The following GPCPD1 variants were observed in gnomAD, a reference collection of about 807,000 sequenced individuals.
GPCPD1 encodes glycerophosphocholine phosphodiesterase GPCPD1.
Under a neutral mutation model 89.2 loss-of-function variants are expected in GPCPD1, and 29 were observed. That is an observed-to-expected ratio of 0.33 (90% CI 0.24 to 0.44). The LOEUF is 0.44. Ranked by LOEUF, GPCPD1 falls within the 20% of genes least tolerant of loss-of-function variation. The pLI is 1.00. For missense variants in GPCPD1, 594 were observed against 808.9 expected, an observed-to-expected ratio of 0.73 and a Z score of 3.22; for synonymous variants, 258 against 266.3, an observed-to-expected ratio of 0.97 and a Z score of 0.30.
rs549559812 is a variant in GPCPD1 at position 5,553,861 on chromosome 20, G to A, written c.1829+4084C>T. On this transcript the variant is annotated intron_variant, in intron 19 of 19. Coordinates refer to ENST00000379019, the MANE Select transcript of GPCPD1 (RefSeq NM_019593.5). Reference sequence around the variant, plus strand: ...AGGAAAAAGAAGCTGTCTCCATAACGTAAAAGTGCAAAGTTAAGTATCAAG... The same window carrying A: ...AGGAAAAAGAAGCTGTCTCCATAACATAAAAGTGCAAAGTTAAGTATCAAG... Among the ~76,000 whole-genome samples, 25 of 152,300 alleles carry A rather than the reference G, an allele frequency of 1.6e-4. 1 individual carries two copies. The highest frequency in any genetic ancestry group is 4.6e-4 in the African/African-American group (19 of 41,560).
intron 6 of GPCPD1, among the ~76,000 whole-genome samples, chr20:5,581,293 G>C (rs908060852): frequency 3.9e-5 from 6 of 152,096 alleles, no homozygotes; most frequent in Admixed American, 3.3e-4. Flanking sequence ...ATATGAAGTA[G>C]GGGGAAAAAT....
At chr20:5,566,864 TA>T in intron 13 of GPCPD1, 92 bp from the exon 14 acceptor site, 2 of 793,646 alleles carry the variant, frequency 2.5e-6, no homozygotes. Context: ...ACTAGCAAGA[TA>T]AAAAAGCCTA....
intron 4 of GPCPD1, among the ~76,000 whole-genome samples, chr20:5,588,477 C>T (rs1911224631): frequency 6.6e-6 from 1 of 152,046 alleles, no homozygotes; most frequent in Admixed American, 6.6e-5. Flanking sequence ...TGCACTTCAG[C>T]GTGGGCGACA....
At chr20:5,555,180 T>C (rs974445849) in intron 19 of GPCPD1, among the ~76,000 whole-genome samples, 1 of 152,196 alleles carries the variant, frequency 6.6e-6, no homozygotes, top group Non-Finnish European at 1.5e-5. Context: ...ATTCAGAATA[T>C]TACATAAACT....
rs1985084821 is a variant in GPCPD1 at position 5,547,403 on chromosome 20, A to G, written c.*258T>C. ...AATGAACATATGTTTAACATTATAG[A>G]TTTATATATTTAGTTTAAAATATTT... On this transcript the variant is annotated 3_prime_UTR_variant, in exon 20 of 20. Coordinates refer to ENST00000379019, the MANE Select transcript of GPCPD1 (RefSeq NM_019593.5). The G allele has an allele frequency of 4.9e-6, 1 of 205,854 alleles. No homozygotes were observed. Among genetic ancestry groups the G allele is most frequent in the African/African-American group, 2.3e-5 (1 of 43,416 alleles). 12.8% of individuals were successfully genotyped at this position (205,854 alleles called of 1,614,324 possible). A position where few individuals can be genotyped will look rare whatever the true frequency, so the allele number is the denominator to read the frequency against.
At chr20:5,578,971 T>C (rs549116568) in intron 7 of GPCPD1, among the ~76,000 whole-genome samples, 24 of 151,938 alleles carry the variant, frequency 1.6e-4, no homozygotes, top group African/African-American at 5.3e-4. Flanking sequence ...GAGGATTGCT[T>C]GAGCTCAGAA....
chr20:5,574,624 G>C (rs537684079), intron 10 of GPCPD1, among the ~76,000 whole-genome samples: 1 of 152,208 alleles, frequency 6.6e-6, no homozygotes, highest in African/African-American at 2.4e-5. Flanking sequence ...TGTGGTTCCA[G>C]ACACTGGGGA....
At chr20:5,558,282 T>C (rs1257592379) in intron 18 of GPCPD1, among the ~76,000 whole-genome samples, 177 bp from the exon 19 acceptor site, 1 of 152,146 alleles carries the variant, frequency 6.6e-6, no homozygotes, top group Non-Finnish European at 1.5e-5. Context: ...CATAAATATA[T>C]TCACAATATA....
chr20:5,594,634 T>C (rs1979582763), intron 3 of GPCPD1, among the ~76,000 whole-genome samples: 1 of 152,164 alleles, frequency 6.6e-6, no homozygotes, highest in Non-Finnish European at 1.5e-5. Context: ...ACCCCTGTCA[T>C]AGACCATTAA....
At position 5,604,368 on chromosome 20, in the gene GPCPD1, TAA is replaced by T; in HGVS notation, c.43_44del (p.Leu15ThrfsTer12). On this transcript the variant is annotated frameshift_variant, in exon 2 of 20. Coordinates refer to ENST00000379019, the MANE Select transcript of GPCPD1 (RefSeq NM_019593.5). LOFTEE classifies it high-confidence loss of function. ...AAAGTAAAACTTTTACAATACCTGG[TAA>T]AAGAGTTCCTCTTATTTCAAAGGCA... ...QVAFEIRGTL[L>X]PGEVFAICGS... 1 of 1,456,336 alleles carries T rather than the reference TAA, an allele frequency of 6.9e-7. No individual in the cohort carries two copies. The highest frequency in any genetic ancestry group is 9.6e-7 in the Non-Finnish European group (1 of 1,041,140). The allele number at this position is 1,456,336 out of a possible 1,614,324, so 90.2% of individuals were successfully genotyped here. A position where few individuals can be genotyped will look rare whatever the true frequency, so the allele number is the denominator to read the frequency against.
chr20:5,604,043 G>A (rs996853470), intron 2 of GPCPD1, among the ~76,000 whole-genome samples: 1 of 152,072 alleles, frequency 6.6e-6, no homozygotes, highest in African/African-American at 2.4e-5. Flanking sequence ...CACTGCGCCC[G>A]GCCTACCAAC....
chr20:5,589,427 C>CTCT lies in GPCPD1; in HGVS notation c.232-3159_232-3158insAGA, dbSNP rs1162923978. ...GGGAGTTAGAGAACAGCCTGACCAA[C>CTCT]ATAGAGAAACCTCATCTCTACTAAA... On this transcript the variant is annotated intron_variant, in intron 4 of 19. Coordinates refer to ENST00000379019, the MANE Select transcript of GPCPD1 (RefSeq NM_019593.5). Among the ~76,000 whole-genome samples, 8 of 152,110 alleles carry CTCT rather than the reference C, an allele frequency of 5.3e-5. No homozygotes were observed. In the East Asian group the frequency reaches 1.5e-3, roughly 29 times the overall value.
At position 5,610,943 on chromosome 20, in the gene GPCPD1, C is replaced by G. The variant is rs568474998; in HGVS notation, c.-130G>C. ...GCGCCCGCCGTCCGTGCCTCGCCAG[C>G]GCTCCCCCCAGGCGGCCTGCCGCGG... On this transcript the variant is annotated 5_prime_UTR_variant, in exon 1 of 20. Coordinates refer to ENST00000379019, the MANE Select transcript of GPCPD1 (RefSeq NM_019593.5). 6.6e-3 allele frequency: 1 copy of G among 152 alleles called. No individual in the cohort carries two copies. Among genetic ancestry groups the G allele is most frequent in the South Asian group, 0.25 (1 of 4 alleles). 0.0% of individuals were successfully genotyped at this position (152 alleles called of 1,614,324 possible). A position where few individuals can be genotyped will look rare whatever the true frequency, so the allele number is the denominator to read the frequency against.
intron 11 of GPCPD1, among the ~76,000 whole-genome samples, chr20:5,572,609 T>G (rs1217414573): frequency 6.6e-6 from 1 of 152,176 alleles, no homozygotes. Context: ...TGAGGGCATA[T>G]GGAGTACACT....
chr20:5,564,950 AAAAGT>A (rs1331378452), intron 15 of GPCPD1, 62 bp downstream of exon 15: 2 of 805,068 alleles, frequency 2.5e-6, no homozygotes, highest in Non-Finnish European at 2.2e-6. Flanking sequence ...TTTAAGAAAC[AAAAGT>A]AAATTATTCA....
At chr20:5,555,132 C>A (rs1985679917) in intron 19 of GPCPD1, among the ~76,000 whole-genome samples, 1 of 152,208 alleles carries the variant, frequency 6.6e-6, no homozygotes, top group Non-Finnish European at 1.5e-5. Context: ...ATCCACCCAA[C>A]AAAGATGCTC....
chr20:5,547,715 C>T lies in GPCPD1; in HGVS notation c.1965G>A (p.Gly655=). The T allele has an allele frequency of 6.2e-7, 1 of 1,610,862 alleles. No individual in the cohort carries two copies. Among genetic ancestry groups the T allele is most frequent in the Non-Finnish European group, 8.5e-7 (1 of 1,177,364 alleles). The part of the protein sequence containing the change: ...VSRFVPSSLC[G]ESDIHVDANG... Reference sequence around the variant, plus strand: ...TGGCATCCACATGGATATCAGACTCCCCACACAAAGATGAGGGAACAAAGC... The same window carrying T: ...TGGCATCCACATGGATATCAGACTCTCCACACAAAGATGAGGGAACAAAGC... Residue 655 remains glycine (G), a synonymous_variant, in exon 20 of 20, where the codon GGG becomes GGA. Transcript: ENST00000379019.
At chr20:5,562,952 G>A (rs1448934933) in intron 15 of GPCPD1, among the ~76,000 whole-genome samples, 2 of 151,696 alleles carry the variant, frequency 1.3e-5, no homozygotes, top group Non-Finnish European at 1.5e-5. Flanking sequence ...TATATAATGA[G>A]ATTATATTTG....
At chr20:5,579,758 AT>A (rs1156875465) in intron 7 of GPCPD1, among the ~76,000 whole-genome samples, 1 of 152,252 alleles carries the variant, frequency 6.6e-6, no homozygotes, top group Non-Finnish European at 1.5e-5. Flanking sequence ...AACTATAAAA[AT>A]ACATAAGCTT....
Sources: gnomAD v4.1 joint callset for allele counts (sites outside exome capture counted in the v4.1 genomes callset) on GRCh38, gnomAD v4.1.1 for gene constraint, MANE v1.5 for transcripts, NCBI Gene and HGNC (gene_info 2026-07-23, HGNC 2026-07-21) for gene names.